PTPRO: variants seen among roughly 807,000 people sequenced by gnomAD.
PTPRO encodes the protein protein tyrosine phosphatase receptor type O, also known as receptor-type tyrosine-protein phosphatase O.
In PTPRO, 62 loss-of-function variants were observed where a neutral mutation model predicts 145.2. That is an observed-to-expected ratio of 0.43 (90% CI 0.35 to 0.53). The LOEUF is 0.53. PTPRO is among the 20% of genes least tolerant of loss of function. The probability of loss-of-function intolerance (pLI) is 0.01; values close to 1 mark genes in which losing one functional copy is unlikely to be tolerated. For synonymous variants in PTPRO, 565 were observed against 514.7 expected (o/e 1.10, Z -1.32); for missense variants, 1,345 against 1,482.7 (o/e 0.91, Z 1.53).
chr12:15,385,086 T>C (rs1938980476), intron 1 of PTPRO, among the ~76,000 whole-genome samples: 2 of 152,344 alleles, frequency 1.3e-5, no homozygotes, highest in South Asian at 4.1e-4. Context: ...CCAGAAAATT[T>C]ATGGCTGATT....
chr12:15,437,895 G>T (rs143254302), intron 1 of PTPRO, among the ~76,000 whole-genome samples: 1 of 152,262 alleles, frequency 6.6e-6, no homozygotes, highest in East Asian at 1.9e-4. Context: ...ACCCTTTATG[G>T]CTCCTACCCC....
chr12:15,385,547 G>T (rs1248946513), intron 1 of PTPRO, among the ~76,000 whole-genome samples: 1 of 152,180 alleles, frequency 6.6e-6, no homozygotes, highest in Non-Finnish European at 1.5e-5. Context: ...GGGCATGTTG[G>T]CTCACACCTG....
intron 1 of PTPRO, among the ~76,000 whole-genome samples, chr12:15,473,942 A>G (rs1941598616): frequency 6.6e-6 from 1 of 152,144 alleles, no homozygotes; most frequent in South Asian, 2.1e-4. Context: ...TTTATAAATT[A>G]AGAAGATGAA....
At chr12:15,401,685 A>G (rs972139366) in intron 1 of PTPRO, among the ~76,000 whole-genome samples, 5 of 152,224 alleles carry the variant, frequency 3.3e-5, no homozygotes, top group African/African-American at 1.2e-4. Flanking sequence ...GAACTACACC[A>G]TATTTCATAG....
intron 1 of PTPRO, among the ~76,000 whole-genome samples, chr12:15,386,888 C>G (rs956382154): frequency 6.6e-6 from 1 of 152,190 alleles, no homozygotes; most frequent in Non-Finnish European, 1.5e-5. Flanking sequence ...AGACCCAAGG[C>G]TCTTGTTTCT....
At chr12:15,366,442 T>C (rs544494294) in intron 1 of PTPRO, among the ~76,000 whole-genome samples, 1 of 152,324 alleles carries the variant, frequency 6.6e-6, no homozygotes, top group South Asian at 2.1e-4. Flanking sequence ...TAATGAATTC[T>C]AAATTTAAAG....
chr12:15,521,671 A>G (rs1223216848), intron 10 of PTPRO, among the ~76,000 whole-genome samples: 1 of 152,172 alleles, frequency 6.6e-6, no homozygotes, highest in Non-Finnish European at 1.5e-5. Flanking sequence ...CTAAAATGTC[A>G]GCTAAATAGG....
chr12:15,354,956 A>G (rs567473274), intron 1 of PTPRO, among the ~76,000 whole-genome samples: 1 of 152,222 alleles, frequency 6.6e-6, no homozygotes, highest in South Asian at 2.1e-4. Flanking sequence ...AGTTACAAGC[A>G]CCATTCTGCA....
chr12:15,380,944 A>C (rs1015109198), intron 1 of PTPRO, among the ~76,000 whole-genome samples: 2 of 152,194 alleles, frequency 1.3e-5, no homozygotes, highest in African/African-American at 4.8e-5. Flanking sequence ...TACTATATAG[A>C]ATAGCAGTAT....
At chr12:15,581,583 TC>T (rs1321889137) in intron 22 of PTPRO, 95 bp from the exon 23 acceptor site, 20 of 1,436,688 alleles carry the variant, frequency 1.4e-5, no homozygotes, top group South Asian at 2.3e-5. Context: ...CCTATCTAAT[TC>T]TTTAGAGGCG....
intron 1 of PTPRO, among the ~76,000 whole-genome samples, chr12:15,424,272 C>G (rs182529911): frequency 6.6e-6 from 1 of 151,974 alleles, no homozygotes; most frequent in Admixed American, 6.5e-5. Flanking sequence ...GGCTTTTCCA[C>G]TGGAGTAAAA....
At chr12:15,513,111 G>GAAAGAAAGAAA (rs1565675349) in intron 7 of PTPRO, among the ~76,000 whole-genome samples, 5 of 14,486 alleles carry the variant, frequency 3.5e-4, no homozygotes, top group African/African-American at 1.3e-3. Flanking sequence ...AAGAAAGAAA[G>GAAAGAAAGAAA]GAAGGAAGGA....
At chr12:15,464,173 A>G (rs1211735332) in intron 1 of PTPRO, among the ~76,000 whole-genome samples, 1 of 152,152 alleles carries the variant, frequency 6.6e-6, no homozygotes, top group Non-Finnish European at 1.5e-5. Flanking sequence ...GGGGAATCTT[A>G]TGCAGGGAGG....
At chr12:15,326,155 T>G (rs1866440679) in intron 1 of PTPRO, among the ~76,000 whole-genome samples, 1 of 152,194 alleles carries the variant, frequency 6.6e-6, no homozygotes, top group Admixed American at 6.5e-5. Context: ...GAAGTTTCAC[T>G]TTTCGTGGTT....
At chr12:15,545,214 A>T (rs913746421) in intron 12 of PTPRO, among the ~76,000 whole-genome samples, 3 of 151,974 alleles carry the variant, frequency 2.0e-5, no homozygotes, top group Non-Finnish European at 4.4e-5. Flanking sequence ...GAACAGACTT[A>T]GGAGAGTGGG....
intron 10 of PTPRO, 58 bp downstream of exon 10, chr12:15,520,370 C>T (rs2136514142): frequency 7.5e-7 from 1 of 1,324,886 alleles, no homozygotes; most frequent in Non-Finnish European, 1.1e-6. Context: ...GAGGAGTTAC[C>T]AAGGTTCCAA....
intron 1 of PTPRO, among the ~76,000 whole-genome samples, chr12:15,407,026 T>C (rs901477199): frequency 6.6e-6 from 1 of 152,148 alleles, no homozygotes; most frequent in Non-Finnish European, 1.5e-5. Flanking sequence ...ATAAAGTGTG[T>C]TTCTGTCATT....
chr12:15,580,236 T>A, intron 21 of PTPRO, 121 bp downstream of exon 21: 1 of 783,514 alleles, frequency 1.3e-6, no homozygotes, highest in Non-Finnish European at 2.1e-6. Context: ...AATTGAATTC[T>A]AAAAAGTTTG....
At chr12:15,453,808 C>T (rs575983514) in intron 1 of PTPRO, among the ~76,000 whole-genome samples, 1 of 152,138 alleles carries the variant, frequency 6.6e-6, no homozygotes, top group African/African-American at 2.4e-5. Context: ...TTAGATACCT[C>T]AGATAAGGGG....
Sources: allele counts gnomAD v4.1 joint callset (sites outside exome capture counted in the v4.1 genomes callset), GRCh38; gene constraint gnomAD v4.1.1; transcripts MANE v1.5; gene names NCBI Gene and HGNC (gene_info 2026-07-23, HGNC 2026-07-21).